KAZN: variants seen among roughly 807,000 people sequenced by gnomAD.
KAZN encodes kazrin.
In KAZN, 40 loss-of-function variants were observed where a neutral mutation model predicts 87.4. The observed-to-expected ratio is 0.46, with a 90% CI of 0.36 to 0.60. KAZN has a LOEUF of 0.60. KAZN is among the 20% of genes least tolerant of loss of function. The pLI is 0.00. For synonymous variants in KAZN, 466 were observed against 458.3 expected, an observed-to-expected ratio of 1.02 and a Z score of -0.22; for missense variants, 898 against 1,073.9, an observed-to-expected ratio of 0.84 and a Z score of 2.29.
intron 1 of KAZN, among the ~76,000 whole-genome samples, chr1:14,901,887 A>G (rs957799649): frequency 5.9e-5 from 9 of 152,184 alleles, no homozygotes; most frequent in African/African-American, 2.2e-4. Context: ...GGAAATATAC[A>G]TGAAATACAA....
At chr1:14,333,164 G>C (rs1335992086) in intron 2 of KAZN, among the ~76,000 whole-genome samples, 1 of 152,110 alleles carries the variant, frequency 6.6e-6, no homozygotes, top group Non-Finnish European at 1.5e-5. Context: ...GCATTAGTTT[G>C]CTGAGGAAAA....
At position 14,139,979 on chromosome 1, in the gene KAZN, T is replaced by C. The variant is rs1438147199; in HGVS notation, c.92-40456T>C. On this transcript the variant is annotated intron_variant, in intron 1 of 16. Transcript: ENST00000636203. Reference sequence around the variant, plus strand: ...TGTGTGTGTGTGTGTGGTATGTATGTGTGTGTGTGTGTTAAGTAGGAAGGA... The same window carrying C: ...TGTGTGTGTGTGTGTGGTATGTATGCGTGTGTGTGTGTTAAGTAGGAAGGA... Among the ~76,000 whole-genome samples, 45 of 132,240 alleles carry C rather than the reference T, an allele frequency of 3.4e-4. 1 individual carries two copies. Among genetic ancestry groups the C allele is most frequent in the African/African-American group, 1.3e-3 (41 of 32,380 alleles). The allele number at this position is 132,240 out of a possible 152,430, so 86.8% of individuals were successfully genotyped here. A position where few individuals can be genotyped will look rare whatever the true frequency, so the allele number is the denominator to read the frequency against.
intron 2 of KAZN, among the ~76,000 whole-genome samples, chr1:14,993,276 T>C (rs982722653): frequency 6.6e-5 from 10 of 151,568 alleles, no homozygotes; most frequent in African/African-American, 2.4e-4. Context: ...GAGACCAGCC[T>C]GACCAACATG....
At chr1:14,091,109 C>CAAAAAAA (rs779056126) in intron 1 of KAZN, among the ~76,000 whole-genome samples, 3 of 51,898 alleles carry the variant, frequency 5.8e-5, no homozygotes, top group African/African-American at 6.7e-5. Flanking sequence ...GAGACTCTGT[C>CAAAAAAA]AAAAAAAAAA....
chr1:14,783,747 T>C (rs1645422566), intron 1 of KAZN, among the ~76,000 whole-genome samples: 1 of 152,022 alleles, frequency 6.6e-6, no homozygotes. Context: ...AGGTGTTTTC[T>C]GGTAGGCAGG....
chr1:14,704,294 C>T (rs925611518), intron 1 of KAZN, among the ~76,000 whole-genome samples: 2 of 152,224 alleles, frequency 1.3e-5, no homozygotes, highest in African/African-American at 2.4e-5. Context: ...CTGCAGTACA[C>T]AGTCCCCATG....
intron 1 of KAZN, among the ~76,000 whole-genome samples, chr1:14,761,035 G>A (rs1202818186): frequency 2.0e-5 from 3 of 152,116 alleles, no homozygotes; most frequent in Admixed American, 1.3e-4. Flanking sequence ...ACAGTAATTC[G>A]GTGAACACTG....
chr1:15,019,778 GAAT>G, intron 2 of KAZN, among the ~76,000 whole-genome samples: 1 of 152,284 alleles, frequency 6.6e-6, no homozygotes, highest in Admixed American at 6.5e-5. Flanking sequence ...GCAAGGTGTA[GAAT>G]AATACCCACC....
intron 2 of KAZN, among the ~76,000 whole-genome samples, chr1:14,181,686 TCTC>T (rs1009436787): frequency 5.9e-5 from 9 of 152,076 alleles, no homozygotes; most frequent in Non-Finnish European, 1.3e-4. Flanking sequence ...CCATTCAGCT[TCTC>T]CTCTCTCCCC....
At chr1:14,015,396 A>G (rs1211421494) in intron 1 of KAZN, among the ~76,000 whole-genome samples, 2 of 148,940 alleles carry the variant, frequency 1.3e-5, no homozygotes, top group African/African-American at 4.9e-5. Context: ...CATGGCTGGA[A>G]AAACACTTTA....
intron 1 of KAZN, among the ~76,000 whole-genome samples, chr1:14,619,712 C>T (rs1039351734): frequency 1.3e-5 from 2 of 152,210 alleles, no homozygotes; most frequent in African/African-American, 4.8e-5. Flanking sequence ...CCTCCAGCTC[C>T]TGGCAACCAC....
At chr1:15,067,273 C>T in intron 8 of KAZN, 1 of 985,590 alleles carries the variant, frequency 1.0e-6, no homozygotes, top group Non-Finnish European at 1.2e-6. Context: ...TAGAATCTCC[C>T]AGGATCCCTT....
intron 2 of KAZN, among the ~76,000 whole-genome samples, chr1:14,345,277 T>C (rs1658027170): frequency 6.6e-6 from 1 of 152,210 alleles, no homozygotes; most frequent in Non-Finnish European, 1.5e-5. Context: ...TATCAAACTT[T>C]AGCAGCGTCA....
At chr1:13,999,378 A>C (rs938726577) in intron 1 of KAZN, among the ~76,000 whole-genome samples, 1 of 151,078 alleles carries the variant, frequency 6.6e-6, no homozygotes, top group Non-Finnish European at 1.5e-5. Flanking sequence ...AAAAAACAAA[A>C]AAACAAACAA....
chr1:14,193,037 TC>T (rs2100368099), intron 2 of KAZN, among the ~76,000 whole-genome samples: 1 of 152,090 alleles, frequency 6.6e-6, no homozygotes, highest in East Asian at 1.9e-4. Context: ...TGGGGGCAGT[TC>T]CCCCATGCTG....
At position 15,060,154 on chromosome 1, in the gene KAZN, G is replaced by T. The variant is rs1394618601; in HGVS notation, c.917-18G>T. 29 of 1,613,948 alleles carry T rather than the reference G, an allele frequency of 1.8e-5. No individual in the cohort carries two copies. Among genetic ancestry groups the T allele is most frequent in the Non-Finnish European group, 2.4e-5 (28 of 1,179,874 alleles). Reference sequence around the variant, plus strand: ...CGTTCTCTCCATCCCTCACTCACCAGCTGTCCCTGCTTTCCAGCGGTCAGG... The same window carrying T: ...CGTTCTCTCCATCCCTCACTCACCATCTGTCCCTGCTTTCCAGCGGTCAGG... On this transcript the variant is annotated intron_variant, in intron 5 of 14. Coordinates refer to ENST00000376030, the MANE Select transcript of KAZN (RefSeq NM_201628.3).
chr1:14,415,318 G>A (rs1419014985), intron 2 of KAZN, among the ~76,000 whole-genome samples: 1 of 152,142 alleles, frequency 6.6e-6, no homozygotes, highest in Non-Finnish European at 1.5e-5. Flanking sequence ...CTAGGATTAG[G>A]GAAGAGGTTG....
chr1:13,983,481 C>T (rs905273773), intron 1 of KAZN, among the ~76,000 whole-genome samples: 6 of 152,242 alleles, frequency 3.9e-5, no homozygotes, highest in Admixed American at 3.3e-4. Flanking sequence ...AAGCCCACGA[C>T]CACCTGGAAC....
At chr1:15,057,871 T>C (rs1235169562) in intron 5 of KAZN, among the ~76,000 whole-genome samples, 1 of 152,228 alleles carries the variant, frequency 6.6e-6, no homozygotes, top group Non-Finnish European at 1.5e-5. Context: ...AGCAGACTCC[T>C]GGTCATCCTC....
Sources: allele counts gnomAD v4.1 joint callset (sites outside exome capture counted in the v4.1 genomes callset), GRCh38; gene constraint gnomAD v4.1.1; transcripts MANE v1.5; gene names NCBI Gene and HGNC (gene_info 2026-07-23, HGNC 2026-07-21).